PLS3: variants seen among roughly 807,000 people sequenced by gnomAD.
PLS3 encodes the protein plastin 3.
Under a neutral mutation model 46.5 loss-of-function variants are expected in PLS3, and 11 were observed. The ratio of observed to expected loss-of-function variants is 0.24; its 90% CI spans 0.15 to 0.39. The LOEUF (loss-of-function observed/expected upper bound fraction) is 0.39, where lower values mean the gene tolerates loss of function less well. Ranked by LOEUF, PLS3 falls within the 10% of genes least tolerant of loss-of-function variation. PLS3 has a pLI of 1.00. For synonymous variants in PLS3, 167 were observed against 162.2 expected (o/e 1.03, Z -0.22); for missense variants, 308 against 461.8 (o/e 0.67, Z 3.05).
In PLS3 at chrX:115,610,245, C is replaced by T. The variant is rs1284057004; in HGVS notation, c.-6C>T. On this transcript the variant is annotated splice_region_variant and 5_prime_UTR_variant, in exon 2 of 16. Coordinates refer to ENST00000355899, the MANE Select transcript of PLS3 (RefSeq NM_005032.7). ...AAACGTTTTTGGTTTTTCTTTAGAT[C>T]TTTAAATGGATGAGATGGCTACCAC... 2.7e-6 allele frequency: 3 copies of T among 1,123,242 alleles called. No homozygotes were observed. In the African/African-American group the frequency reaches 5.5e-5, roughly 21 times the overall value. 92.6% of individuals were successfully genotyped at this position (1,123,242 alleles called of 1,213,427 possible).
chrX:115,587,690 G>C (rs1460552183), intron 1 of PLS3, among the ~76,000 whole-genome samples: 6 of 105,893 alleles, frequency 5.7e-5, no homozygotes, highest in African/African-American at 2.1e-4. Context: ...AGCCGAGATC[G>C]CGCCACTGCA....
intron 1 of PLS3, among the ~76,000 whole-genome samples, chrX:115,584,324 T>G (rs2074295446): frequency 8.9e-6 from 1 of 111,877 alleles, no homozygotes; most frequent in South Asian, 3.7e-4. Context: ...GAAAATAGAT[T>G]GCTGGACAAA....
intron 1 of PLS3, among the ~76,000 whole-genome samples, chrX:115,577,500 C>T (rs1458469758): frequency 1.8e-5 from 2 of 109,686 alleles, no homozygotes; most frequent in African/African-American, 6.6e-5. Context: ...TTAATTGAGA[C>T]GGAATCTTGC....
At chrX:115,601,499 G>A (rs2074443549) in intron 1 of PLS3, among the ~76,000 whole-genome samples, 1 of 108,481 alleles carries the variant, frequency 9.2e-6, no homozygotes. Flanking sequence ...TGGGGGAGGG[G>A]GAAGGGATAG....
At chrX:115,578,318 ATTTT>A (rs1556631441) in intron 1 of PLS3, among the ~76,000 whole-genome samples, 3 of 112,146 alleles carry the variant, frequency 2.7e-5, no homozygotes. Context: ...ACTCCTTTTT[ATTTT>A]GGTATTGAAC....
chrX:115,567,688 ATTTTC>A (rs1249334972), intron 1 of PLS3, among the ~76,000 whole-genome samples: 3 of 99,509 alleles, frequency 3.0e-5, no homozygotes, highest in African/African-American at 1.1e-4. Flanking sequence ...ATTAACTTGG[ATTTTC>A]TTTTCTTTTC....
chrX:115,636,637 G>T (rs2074839951), intron 7 of PLS3, among the ~76,000 whole-genome samples, 199 bp from the exon 8 acceptor site: 1 of 111,740 alleles, frequency 8.9e-6, no homozygotes, highest in Non-Finnish European at 1.9e-5. Context: ...ACAGAGAAAA[G>T]AATAAATTGT....
chrX:115,634,876 T>G lies in PLS3; in HGVS notation c.583-5T>G. The G allele has an allele frequency of 8.3e-7, 1 of 1,202,889 alleles. No homozygotes were observed. The highest frequency in any genetic ancestry group is 1.1e-6 in the Non-Finnish European group (1 of 890,888). The stretch of plus-strand genomic sequence containing the variant: ...AAGCAAGTGTGTAATTTGGCTGTCT[T>G]GCAGGAAAACTTGAACTTGGCACTG... On this transcript the variant is annotated splice_polypyrimidine_tract_variant and splice_region_variant and intron_variant, in intron 6 of 15. Transcript: ENST00000355899.
chrX:115,608,799 C>G (rs1291465958), intron 1 of PLS3, among the ~76,000 whole-genome samples: 2 of 111,321 alleles, frequency 1.8e-5, no homozygotes, highest in African/African-American at 6.5e-5. Flanking sequence ...TACGTGCACT[C>G]TTTGATGCTT....
Position 115,579,773 on chromosome X carries a change from C to T in PLS3, c.-9+18513C>T, listed in dbSNP as rs112679511. 5.6e-3 allele frequency among the ~76,000 whole-genome samples: 627 copies of T among 111,624 alleles called. 2 individuals are homozygous for T. Among genetic ancestry groups the T allele is most frequent in the African/African-American group, 0.019 (584 of 30,694 alleles). On this transcript the variant is annotated intron_variant, in intron 1 of 15. Transcript: ENST00000355899. ...TTTGAGACAGGGTCTTGCTCTGTTG[C>T]CCGGGCTGGAGTGCAGTGGCGCAAT...
chrX:115,619,628 G>A (rs1182501806), intron 2 of PLS3, among the ~76,000 whole-genome samples: 1 of 112,767 alleles, frequency 8.9e-6, no homozygotes, highest in Admixed American at 9.4e-5. Context: ...ACATCCTAGG[G>A]AAATTAAGTG....
intron 1 of PLS3, among the ~76,000 whole-genome samples, chrX:115,565,715 T>C (rs2074167745): frequency 8.9e-6 from 1 of 112,067 alleles, no homozygotes; most frequent in Admixed American, 9.5e-5. Flanking sequence ...TGTTGGCAAA[T>C]TGATGACTAT....
chrX:115,635,036 CAGG>C lies in PLS3; in HGVS notation c.740_742del (p.Arg247del). ...GTTTGTTCGCTGACATTGAATTAAG[CAGG>C]AATGAAGGTAATGGAACACAGTCAT... On this transcript the variant is annotated inframe_deletion, in exon 7 of 16. Transcript: ENST00000355899. 1 of 1,204,681 alleles carries C rather than the reference CAGG, an allele frequency of 8.3e-7. No homozygotes were observed. Among genetic ancestry groups the C allele is most frequent in the Non-Finnish European group, 1.1e-6 (1 of 891,260 alleles).
At chrX:115,595,814 G>A (rs998528855) in intron 1 of PLS3, among the ~76,000 whole-genome samples, 2 of 105,211 alleles carry the variant, frequency 1.9e-5, no homozygotes, top group African/African-American at 3.5e-5. Context: ...TCAGCCTCCC[G>A]AGTAGCTGGG....
intron 1 of PLS3, among the ~76,000 whole-genome samples, chrX:115,605,979 A>G (rs961788252): frequency 2.8e-5 from 3 of 108,689 alleles, no homozygotes; most frequent in African/African-American, 1.0e-4. Flanking sequence ...GCAGATGTCT[A>G]AAATATTGGT....
intron 2 of PLS3, among the ~76,000 whole-genome samples, chrX:115,620,013 T>C (rs931846944): frequency 8.9e-6 from 1 of 112,504 alleles, no homozygotes; most frequent in East Asian, 2.8e-4. Context: ...ATTTGCAAGA[T>C]GGTTCCATGC....
At chrX:115,564,407 G>A (rs1224160056) in intron 1 of PLS3, among the ~76,000 whole-genome samples, 1 of 112,079 alleles carries the variant, frequency 8.9e-6, no homozygotes, top group Non-Finnish European at 1.9e-5. Flanking sequence ...GTGGTTACAC[G>A]CACATTAGAC....
intron 1 of PLS3, among the ~76,000 whole-genome samples, chrX:115,602,135 C>T (rs1556634681): frequency 9.0e-6 from 1 of 111,580 alleles, no homozygotes; most frequent in East Asian, 2.8e-4. Flanking sequence ...TTTCTGACGC[C>T]TACCATTTAG....
chrX:115,630,010 C>CATATAAAATG (rs1556639045), intron 5 of PLS3, 43 bp downstream of exon 5: 1 of 1,000,619 alleles, frequency 1.0e-6, no homozygotes, highest in Admixed American at 2.8e-5. Flanking sequence ...CCAAAAATAG[C>CATATAAAATG]CTTCCATATA....
Sources: allele counts gnomAD v4.1 joint callset (sites outside exome capture counted in the v4.1 genomes callset), GRCh38; gene constraint gnomAD v4.1.1; transcripts MANE v1.5; gene names NCBI Gene and HGNC (gene_info 2026-07-23, HGNC 2026-07-21).